Variants in SV2C observed in about 807,000 individuals in gnomAD.
SV2C encodes the protein synaptic vesicle glycoprotein 2C.
Under a neutral mutation model 79.7 loss-of-function variants are expected in SV2C, and 49 were observed. The observed-to-expected ratio is 0.61, with a 90% CI of 0.49 to 0.78. The LOEUF (loss-of-function observed/expected upper bound fraction) is 0.78, where lower values mean the gene tolerates loss of function less well. SV2C is among the 30% of genes least tolerant of loss of function. The pLI, the probability that SV2C is intolerant of heterozygous loss-of-function variation, is 0.00. For missense variants in SV2C, 833 were observed against 912.9 expected (o/e 0.91, Z 1.13); for synonymous variants, 334 against 333.2 (o/e 1.00, Z -0.03).
At chr5:75,984,582 T>TCTATCTATCTAC in the SV2C span, among the ~76,000 whole-genome samples, 4 of 123,118 alleles carry the variant, frequency 3.2e-5, no homozygotes, top group African/African-American at 1.2e-4. Flanking sequence ...TATCTATCTA[T>TCTATCTATCTAC]CTATCTATCT....
chr5:76,314,250 C>G (rs1236298351), intron 12 of SV2C, among the ~76,000 whole-genome samples: 1 of 152,222 alleles, frequency 6.6e-6, no homozygotes, highest in Non-Finnish European at 1.5e-5. Context: ...AGCCTCCCAG[C>G]TTTCCAGAGT....
intron 4 of SV2C, among the ~76,000 whole-genome samples, chr5:76,236,825 T>G (rs1245240890): frequency 6.6e-6 from 1 of 152,140 alleles, no homozygotes; most frequent in Non-Finnish European, 1.5e-5. Flanking sequence ...CCCACCCATA[T>G]CTTGCCTCAA....
At chr5:76,235,702 T>A (rs1180120266) in intron 4 of SV2C, among the ~76,000 whole-genome samples, 1 of 152,022 alleles carries the variant, frequency 6.6e-6, no homozygotes, top group Non-Finnish European at 1.5e-5. Context: ...AGATTTTTTT[T>A]CAAGCATAAT....
chr5:76,336,033 G>A (rs1451303521), downstream of SV2C, among the ~76,000 whole-genome samples: 2 of 148,226 alleles, frequency 1.3e-5, no homozygotes, highest in Non-Finnish European at 1.5e-5. Context: ...CGGAGGGGGC[G>A]GCTAGCCGGG....
Position 76,325,549 on chromosome 5 carries a change from G to A in SV2C, c.*2G>A, listed in dbSNP as rs1748970198. On this transcript the variant is annotated 3_prime_UTR_variant, in exon 13 of 13. Coordinates refer to ENST00000502798, the MANE Select transcript of SV2C (RefSeq NM_014979.4). ...ACACGAACCCAGGTTCTGATGTAATGGGAAAAAAAGCCATCCTTCCTGCGT... is the reference window on the plus strand; with the variant it reads ...ACACGAACCCAGGTTCTGATGTAATAGGAAAAAAAGCCATCCTTCCTGCGT... 6.2e-7 allele frequency: 1 copy of A among 1,612,026 alleles called. No individual in the cohort carries two copies. The highest frequency in any genetic ancestry group is 1.3e-5 in the African/African-American group (1 of 74,896).
chr5:75,952,912 C>T, the SV2C span, among the ~76,000 whole-genome samples: 1 of 151,996 alleles, frequency 6.6e-6, no homozygotes, highest in Admixed American at 6.6e-5. Context: ...GCTTACTTCT[C>T]CCTCCTAAGA....
the SV2C span, among the ~76,000 whole-genome samples, chr5:75,905,262 A>G: frequency 3.2e-3 from 487 of 152,228 alleles, 2 homozygotes; most frequent in Middle Eastern, 0.01. Context: ...AGCTACTGCT[A>G]GTGATCACAT....
intron 1 of SV2C, among the ~76,000 whole-genome samples, chr5:76,094,922 T>A (rs1301632932): frequency 2.6e-5 from 4 of 152,120 alleles, no homozygotes; most frequent in Non-Finnish European, 4.4e-5. Context: ...CAGTGTCTTT[T>A]GATGAAAAAG....
intron 1 of SV2C, among the ~76,000 whole-genome samples, chr5:76,120,898 G>A (rs1183828508): frequency 6.6e-6 from 1 of 151,096 alleles, no homozygotes. Flanking sequence ...TGGGATGGCT[G>A]GGTCAAATGG....
In SV2C at chr5:76,325,976, CT is replaced by C. The variant is rs34500881; in HGVS notation, c.*444del. 19,003 of 143,262 alleles carry C rather than the reference CT, an allele frequency of 0.13. 1,291 individuals carry two copies. Among genetic ancestry groups the C allele is most frequent in the African/African-American group, 0.2 (7,925 of 39,004 alleles). The allele number at this position is 143,262 out of a possible 1,614,324, so 8.9% of individuals were successfully genotyped here. On this transcript the variant is annotated 3_prime_UTR_variant, in exon 13 of 13. Coordinates refer to ENST00000502798, the MANE Select transcript of SV2C (RefSeq NM_014979.4). ...TGCATTTGTGCTGAGAAGAGGGATT[CT>C]TTTTTTTTTTTTTTCTAACAGAGTG...
the SV2C span, among the ~76,000 whole-genome samples, chr5:76,062,384 T>G: frequency 6.6e-6 from 1 of 152,124 alleles, no homozygotes; most frequent in Non-Finnish European, 1.5e-5. Flanking sequence ...AGACAGACAA[T>G]GTTCCTCCCT....
At chr5:76,032,984 T>A in the SV2C span, among the ~76,000 whole-genome samples, 1 of 152,220 alleles carries the variant, frequency 6.6e-6, no homozygotes, top group Non-Finnish European at 1.5e-5. Context: ...GATTTGCATT[T>A]CTCTGATGGC....
the SV2C span, among the ~76,000 whole-genome samples, chr5:75,980,376 T>C: frequency 0.38 from 57,035 of 151,978 alleles, 11,682 homozygotes; most frequent in African/African-American, 0.5. Context: ...AGGCCAGCAT[T>C]GTCCTGATAC....
the SV2C span, among the ~76,000 whole-genome samples, chr5:75,962,749 G>A: frequency 2.6e-5 from 4 of 152,106 alleles, no homozygotes; most frequent in Non-Finnish European, 1.5e-5. Context: ...TTTCATGAAT[G>A]AGTTTTGAGC....
chr5:75,980,614 A>G, the SV2C span, among the ~76,000 whole-genome samples: 1 of 152,142 alleles, frequency 6.6e-6, no homozygotes, highest in African/African-American at 2.4e-5. Context: ...GAAAAAAAAT[A>G]TGATTATCTC....
the SV2C span, among the ~76,000 whole-genome samples, chr5:75,980,608 A>G: frequency 2.6e-5 from 4 of 152,298 alleles, no homozygotes; most frequent in South Asian, 4.1e-4. Flanking sequence ...CTAAAGGAAA[A>G]AAAATATGAT....
At chr5:76,137,611 G>T (rs2112199733) in intron 2 of SV2C, among the ~76,000 whole-genome samples, 1 of 152,198 alleles carries the variant, frequency 6.6e-6, no homozygotes, top group Non-Finnish European at 1.5e-5. Flanking sequence ...CTTAGCAAGG[G>T]GTTAGAGAGT....
chr5:75,896,407 G>A, the SV2C span, among the ~76,000 whole-genome samples: 11 of 151,140 alleles, frequency 7.3e-5, no homozygotes, highest in Non-Finnish European at 1.0e-4. Flanking sequence ...CATTTTTTAT[G>A]GCTGCATAGT....
the SV2C span, among the ~76,000 whole-genome samples, chr5:75,862,613 A>G: frequency 6.6e-6 from 1 of 152,274 alleles, no homozygotes; most frequent in Middle Eastern, 3.4e-3. Flanking sequence ...GAGGAAAAAA[A>G]TCTCTTGCTG....
Sources: allele counts gnomAD v4.1 joint callset (sites outside exome capture counted in the v4.1 genomes callset), GRCh38; gene constraint gnomAD v4.1.1; transcripts MANE v1.5; gene names NCBI Gene and HGNC (gene_info 2026-07-23, HGNC 2026-07-21).